MYO19: variants seen among roughly 807,000 people sequenced by gnomAD.
MYO19 encodes unconventional myosin-XIX.
MYO19 carries 132 observed loss-of-function variants against 129.2 expected under a neutral mutation model. The ratio of observed to expected loss-of-function variants is 1.02; its 90% CI spans 0.89 to 1.18. The LOEUF is 1.18. Ranked by LOEUF, MYO19 falls within the 50% of genes most tolerant of loss-of-function variation. The probability of loss-of-function intolerance (pLI) is 0.00; values close to 1 mark genes in which losing one functional copy is unlikely to be tolerated. For synonymous variants in MYO19, 531 were observed against 477.2 expected (o/e 1.11, Z -1.47); for missense variants, 1,210 against 1,216.7 (o/e 0.99, Z 0.08).
At chr17:36,511,695 A>G (rs2072339822) in intron 11 of MYO19, among the ~76,000 whole-genome samples, 1 of 152,176 alleles carries the variant, frequency 6.6e-6, no homozygotes, top group African/African-American at 2.4e-5. Flanking sequence ...GAGACTGAGG[A>G]CACGTGCTTC....
intron 11 of MYO19, chr17:36,512,984 A>G (rs2072469606): frequency 4.0e-6 from 3 of 752,476 alleles, no homozygotes; most frequent in Admixed American, 8.6e-5. Context: ...ACTTAGTGGT[A>G]TCTGACCTTG....
At chr17:36,501,657 C>T (rs984033952) in intron 21 of MYO19, 4 of 162,352 alleles carry the variant, frequency 2.5e-5, no homozygotes, top group South Asian at 2.0e-4. Flanking sequence ...CCCTCAGCCC[C>T]GACCCCTCAA....
At chr17:36,529,797 T>C (rs1194172352) in intron 3 of MYO19, among the ~76,000 whole-genome samples, 2 of 152,168 alleles carry the variant, frequency 1.3e-5, no homozygotes, top group African/African-American at 2.4e-5. Context: ...CATCTGAGTA[T>C]AGTGATCAAG....
At chr17:36,505,495 C>T (rs2071821605) in intron 18 of MYO19, 91 bp from the exon 19 acceptor site, 3 of 869,112 alleles carry the variant, frequency 3.5e-6, no homozygotes, top group Non-Finnish European at 5.5e-6. Context: ...CAAATGCCTC[C>T]AGCGGGCCCT....
chr17:36,509,319 G>C, intron 13 of MYO19, 184 bp from the exon 14 acceptor site: 1 of 617,632 alleles, frequency 1.6e-6, no homozygotes, highest in Non-Finnish European at 2.9e-6. Flanking sequence ...TACAGATGCA[G>C]GCTATGGGCA....
chr17:36,505,442 G>C, intron 18 of MYO19, 38 bp from the exon 19 acceptor site: 1 of 1,501,022 alleles, frequency 6.7e-7, no homozygotes, highest in Non-Finnish European at 9.2e-7. Context: ...CAGGGAGAGG[G>C]GCTGCCCAGG....
chr17:36,501,906 CA>C, intron 21 of MYO19: 1 of 152,558 alleles, frequency 6.6e-6, no homozygotes. Context: ...CAGAGGCTGC[CA>C]AAGGAGACAC....
chr17:36,538,598 G>A (rs772409187), upstream of MYO19: 58 of 1,600,786 alleles, frequency 3.6e-5, no homozygotes, highest in Non-Finnish European at 4.7e-5. Context: ...TGCAAGATAA[G>A]ACTGTACAAT....
At chr17:36,531,746 C>T (rs985206060) in intron 3 of MYO19, among the ~76,000 whole-genome samples, 4 of 152,138 alleles carry the variant, frequency 2.6e-5, no homozygotes. Flanking sequence ...TGCTGGCAGG[C>T]CCCACACCTG....
chr17:36,527,305 C>T (rs1042562108), intron 5 of MYO19, among the ~76,000 whole-genome samples: 1 of 152,062 alleles, frequency 6.6e-6, no homozygotes, highest in Non-Finnish European at 1.5e-5. Flanking sequence ...TCTCTTATGT[C>T]TCTTATTTTA....
At chr17:36,515,596 C>T (rs755042673) in intron 7 of MYO19, among the ~76,000 whole-genome samples, 6 of 152,168 alleles carry the variant, frequency 3.9e-5, no homozygotes, top group African/African-American at 1.2e-4. Flanking sequence ...AGAATTTGGA[C>T]GAGCTAAGCC....
At chr17:36,528,429 T>A (rs1163707982) in intron 3 of MYO19, among the ~76,000 whole-genome samples, 7 of 151,414 alleles carry the variant, frequency 4.6e-5, no homozygotes, top group Non-Finnish European at 7.4e-5. Context: ...GAGAATGGCG[T>A]GAACCCGGGA....
At chr17:36,516,283 A>T (rs2072744089) in intron 6 of MYO19, among the ~76,000 whole-genome samples, 1 of 152,216 alleles carries the variant, frequency 6.6e-6, no homozygotes, top group Non-Finnish European at 1.5e-5. Context: ...AATTGTTTAT[A>T]AACAATAAAA....
upstream of MYO19, chr17:36,537,114 C>T: frequency 6.3e-7 from 1 of 1,587,306 alleles, no homozygotes. Context: ...GTCTGAAAAG[C>T]AGATGAAGGA....
intron 15 of MYO19, 75 bp from the exon 16 acceptor site, chr17:36,507,587 C>T: frequency 6.8e-7 from 1 of 1,479,618 alleles, no homozygotes; most frequent in African/African-American, 1.4e-5. Context: ...CACGGCTGGC[C>T]TCGGTACCAC....
At chr17:36,507,174 TGA>T (rs1301125265) in intron 16 of MYO19, 35 bp from the exon 17 acceptor site, 1 of 1,580,676 alleles carries the variant, frequency 6.3e-7, no homozygotes, top group Non-Finnish European at 8.6e-7. Flanking sequence ...GCCACCAACA[TGA>T]GAGTGTCTCA....
In MYO19 at chr17:36,498,388, T is replaced by C; in HGVS notation, c.2635A>G (p.Ser879Gly). Residue 879 changes from serine (S) to glycine (G), a missense_variant, in exon 25 of 26, where the codon AGC (serine) becomes GGC (glycine). By Grantham distance (56) the Ser-to-Gly change is moderately conservative (BLOSUM62 0). Coordinates refer to ENST00000614623, the MANE Select transcript of MYO19 (RefSeq NM_001163735.2). ...CAGACCACTAATTTCCTCTGAAAGC[T>C]GCCTACACCCATAGCCGTATTGGCC... ...VLANTAMGVG[S>G]FQRKLVVWAC... 2 of 1,614,006 alleles carry C rather than the reference T, an allele frequency of 1.2e-6. No individual in the cohort carries two copies. The highest frequency in any genetic ancestry group is 1.7e-6 in the Non-Finnish European group (2 of 1,179,882).
At position 36,498,498 on chromosome 17, in the gene MYO19, T is replaced by G; in HGVS notation, c.2525A>C (p.Gln842Pro). The change falls in exon 25 of 26, where the codon CAA becomes CCA. Residue 842 changes from glutamine (Q) to proline (P), a missense_variant. Physicochemically the swap from Gln to Pro is moderately conservative, Grantham distance 76 (BLOSUM62 -1). Transcript: ENST00000614623. ...CGAGGTGCTCAGGGAACAGGGAGCTTGAGAGAAGTGTTTTTCTTCCACACC... is the reference window on the plus strand; with the variant it reads ...CGAGGTGCTCAGGGAACAGGGAGCTGGAGAGAAGTGTTTTTCTTCCACACC... ...LDGVEEKHFS[Q>P]APCSLSTSPL... 1 of 1,614,012 alleles carries G rather than the reference T, an allele frequency of 6.2e-7. No individual in the cohort carries two copies. Among genetic ancestry groups the G allele is most frequent in the Non-Finnish European group, 8.5e-7 (1 of 1,179,894 alleles).
chr17:36,510,747 G>A lies in MYO19; in HGVS notation c.1156C>T (p.Arg386Trp), dbSNP rs60583247. The A allele has an allele frequency of 5.2e-4, 830 of 1,601,112 alleles. 3 individuals carry two copies. In the African/African-American group the frequency reaches 9.9e-3, roughly 19 times the overall value. Residue 386 changes from arginine to tryptophan, a missense_variant and splice_region_variant, in exon 13 of 26, where the codon CGG becomes TGG. Physicochemically the swap from Arg to Trp is moderately radical, Grantham distance 101. Transcript: ENST00000614623. ...CAAGGGGCCAGAGTAACTGCTCACC[G>A]CGCATAGATCAGTTTGGCCAGGCAG... ...RDCLAKLIYA[R>W]LFDWLVSVIN...
Sources: gnomAD v4.1 joint callset for allele counts (sites outside exome capture counted in the v4.1 genomes callset) on GRCh38, gnomAD v4.1.1 for gene constraint, MANE v1.5 for transcripts, NCBI Gene and HGNC (gene_info 2026-07-23, HGNC 2026-07-21) for gene names.